The following CCDC181 variants were observed in gnomAD, a reference collection of about 807,000 sequenced individuals.
CCDC181 encodes the protein coiled-coil domain containing 181, also known as coiled-coil domain-containing protein 181.
A neutral mutation model predicts 58.7 loss-of-function variants in CCDC181; 35 were observed. That is an observed-to-expected ratio of 0.60 (90% CI 0.46 to 0.79). The LOEUF is 0.79. Ranked by LOEUF, CCDC181 falls within the 30% of genes least tolerant of loss-of-function variation. The pLI is 0.00. For synonymous variants in CCDC181, 183 were observed against 197.5 expected (o/e 0.93, Z 0.62); for missense variants, 517 against 583.9 (o/e 0.89, Z 1.18).
At chr1:169,448,198 A>T (rs935665187) in intron 2 of CCDC181, among the ~76,000 whole-genome samples, 22 of 152,130 alleles carry the variant, frequency 1.4e-4, no homozygotes, top group Non-Finnish European at 2.9e-5. Flanking sequence ...TGTTTCTATT[A>T]TTACTTTAAA....
chr1:169,428,026 T>C (rs1041030936), upstream of CCDC181, among the ~76,000 whole-genome samples: 1 of 152,166 alleles, frequency 6.6e-6, no homozygotes, highest in African/African-American at 2.4e-5. Flanking sequence ...CAGCCAGAAA[T>C]AAATAAGAAC....
intron 2 of CCDC181, among the ~76,000 whole-genome samples, chr1:169,449,018 TAG>T (rs1657460344): frequency 1.3e-5 from 2 of 152,318 alleles, no homozygotes; most frequent in East Asian, 1.9e-4. Flanking sequence ...CTTTGATTCT[TAG>T]AGTTTCCATT....
chr1:169,395,120 C>T lies in CCDC181; in HGVS notation c.1457G>A (p.Arg486His), dbSNP rs557950843. ...RTRQLRLEAK[R>H]SKQLQHHLYM... ...TAGGTGGTGCTGTAACTGTTTAGAA[C>T]GCTTAGCTTCTAGTCGGAGCTGTCT... Residue 486 changes from arginine to histidine, a missense_variant, in exon 6 of 6, where the codon CGT becomes CAT. Arg to His is a conservative substitution (Grantham distance 29, BLOSUM62 0). Coordinates refer to ENST00000367806, the MANE Select transcript of CCDC181 (RefSeq NM_001300969.2). The T allele has an allele frequency of 1.1e-4, 183 of 1,613,612 alleles. No homozygotes were observed. Among genetic ancestry groups the T allele is most frequent in the East Asian group, 9.1e-4 (41 of 44,850 alleles).
intron 4 of CCDC181, among the ~76,000 whole-genome samples, chr1:169,416,414 T>C (rs936451110): frequency 6.6e-6 from 1 of 152,164 alleles, no homozygotes; most frequent in South Asian, 2.1e-4. Flanking sequence ...CCCCCCTGCT[T>C]CTAGTCAGCC....
intron 2 of CCDC181, among the ~76,000 whole-genome samples, chr1:169,447,358 C>T (rs1451203127): frequency 6.6e-6 from 1 of 152,152 alleles, no homozygotes; most frequent in Non-Finnish European, 1.5e-5. Flanking sequence ...GGTGATCCAC[C>T]CGCCTCAGCC....
chr1:169,438,097 C>A (rs1318036442), intron 2 of CCDC181, among the ~76,000 whole-genome samples: 1 of 152,110 alleles, frequency 6.6e-6, no homozygotes, highest in African/African-American at 2.4e-5. Context: ...GTGTCCTAAA[C>A]CCATGTTCTA....
At chr1:169,449,827 C>T (rs1657484324) in intron 2 of CCDC181, among the ~76,000 whole-genome samples, 1 of 152,172 alleles carries the variant, frequency 6.6e-6, no homozygotes, top group South Asian at 2.1e-4. Context: ...GTCTGCCTCT[C>T]CCAGTCCTCT....
upstream of CCDC181, among the ~76,000 whole-genome samples, chr1:169,431,746 G>A (rs1249217100): frequency 6.6e-6 from 1 of 152,144 alleles, no homozygotes; most frequent in African/African-American, 2.4e-5. Context: ...TAGTTCATGA[G>A]AGTCAATGAG....
At position 169,421,719 on chromosome 1, in the gene CCDC181, A is replaced by T. The variant is rs35107735; in HGVS notation, c.712T>A (p.Phe238Ile). 0.34 allele frequency: 548,345 copies of T among 1,613,554 alleles called. 103,186 individuals carry two copies. The highest frequency in any genetic ancestry group is 0.39 in the Non-Finnish European group (460,954 of 1,179,830). ...LNLQDIASQG[F>I]LPPINNANST... Reference sequence around the variant, plus strand: ...TTTGCATTATTAATGGGAGGCAAAAACCCCTGACTGGCAATGTCTTGTAAA... The same window carrying T: ...TTTGCATTATTAATGGGAGGCAAAATCCCCTGACTGGCAATGTCTTGTAAA... Residue 238 changes from phenylalanine to isoleucine, a missense_variant, in exon 3 of 6, where the codon TTT becomes ATT. Coordinates refer to ENST00000367806, the MANE Select transcript of CCDC181 (RefSeq NM_001300969.2).
chr1:169,412,122 A>G (rs1440446571), intron 4 of CCDC181, among the ~76,000 whole-genome samples: 1 of 152,224 alleles, frequency 6.6e-6, no homozygotes, highest in African/African-American at 2.4e-5. Flanking sequence ...TTGTATGTTT[A>G]GAAAACCCCA....
chr1:169,400,891 T>C (rs981884576), intron 4 of CCDC181, among the ~76,000 whole-genome samples: 55 of 152,166 alleles, frequency 3.6e-4, no homozygotes, highest in Non-Finnish European at 2.1e-4. Flanking sequence ...GGGAATTCCC[T>C]TTCCTAGCCA....
chr1:169,414,804 C>T (rs534483791), intron 4 of CCDC181, among the ~76,000 whole-genome samples: 1 of 152,238 alleles, frequency 6.6e-6, no homozygotes, highest in Admixed American at 6.5e-5. Flanking sequence ...CAACATAATG[C>T]ACTTATTATA....
Position 169,420,397 on chromosome 1 carries a change from CTT to C in CCDC181, c.1068+964_1068+965del, listed in dbSNP as rs58922330. Among the ~76,000 whole-genome samples, 398 of 133,958 alleles carry C rather than the reference CTT, an allele frequency of 3.0e-3. 3 individuals are homozygous for C. Among genetic ancestry groups the C allele is most frequent in the Admixed American group, 4.6e-3 (62 of 13,520 alleles). The allele number at this position is 133,958 out of a possible 152,430, so 87.9% of individuals were successfully genotyped here. A position where few individuals can be genotyped will look rare whatever the true frequency, so the allele number is the denominator to read the frequency against. On this transcript the variant is annotated intron_variant, in intron 3 of 5. Transcript: ENST00000367806. ...CACGTTCTTACGAAGTCATGTTTCA[CTT>C]TTTTTTTTTTTTTTTGCTAATGCCA... is the stretch of plus-strand genomic sequence containing the variant.
intron 3 of CCDC181, among the ~76,000 whole-genome samples, chr1:169,421,156 A>C (rs1446172047): frequency 6.6e-6 from 1 of 152,206 alleles, no homozygotes; most frequent in African/African-American, 2.4e-5. Context: ...TCAGTCTACT[A>C]TTCTTTGTGA....
intron 4 of CCDC181, among the ~76,000 whole-genome samples, chr1:169,407,489 G>T (rs192940367): frequency 1.3e-5 from 2 of 152,014 alleles, no homozygotes; most frequent in Non-Finnish European, 2.9e-5. Flanking sequence ...TACTTAAAAA[G>T]TATATAAGAA....
chr1:169,445,504 A>G (rs879255968), intron 2 of CCDC181, among the ~76,000 whole-genome samples: 24 of 152,198 alleles, frequency 1.6e-4, no homozygotes, highest in Non-Finnish European at 2.9e-4. Flanking sequence ...TCGTAGTGGC[A>G]TATCATCCTT....
chr1:169,418,231 A>C (rs572195523), intron 4 of CCDC181, among the ~76,000 whole-genome samples: 1 of 152,240 alleles, frequency 6.6e-6, no homozygotes, highest in Non-Finnish European at 1.5e-5. Context: ...AACTAACGCA[A>C]CATTGGAACC....
intron 2 of CCDC181, among the ~76,000 whole-genome samples, chr1:169,457,558 T>TC (rs1488349407): frequency 6.6e-6 from 1 of 152,156 alleles, no homozygotes; most frequent in Non-Finnish European, 1.5e-5. Flanking sequence ...AGAGTTAAGT[T>TC]CCTATAGCAT....
At position 169,421,451 on chromosome 1, in the gene CCDC181, G is replaced by A; in HGVS notation, c.980C>T (p.Ser327Leu). 6.2e-7 allele frequency: 1 copy of A among 1,614,038 alleles called. No individual in the cohort carries two copies. Among genetic ancestry groups the A allele is most frequent in the South Asian group, 1.1e-5 (1 of 91,082 alleles). Reference protein sequence around the residue: ...SNHRTQSAHISPVTSTYCLSP... With the variant: ...SNHRTQSAHILPVTSTYCLSP... ...AAGACAGTATGTTGAAGTCACTGGTGAGATATGTGCAGACTGTGTCCTGTG... is the reference window on the plus strand; with the variant it reads ...AAGACAGTATGTTGAAGTCACTGGTAAGATATGTGCAGACTGTGTCCTGTG... Residue 327 changes from serine to leucine, a missense_variant, in exon 3 of 6, where the codon TCA becomes TTA. Ser to Leu is a moderately radical substitution (Grantham distance 145). Transcript: ENST00000367806.
Sources: allele counts gnomAD v4.1 joint callset (sites outside exome capture counted in the v4.1 genomes callset), GRCh38; gene constraint gnomAD v4.1.1; transcripts MANE v1.5; gene names NCBI Gene and HGNC (gene_info 2026-07-23, HGNC 2026-07-21).